MACROD2: variants seen among roughly 807,000 people sequenced by gnomAD.
The protein encoded by MACROD2 is mono-ADP ribosylhydrolase 2.
Under a neutral mutation model 70.4 loss-of-function variants are expected in MACROD2, and 36 were observed. That is an observed-to-expected ratio of 0.51 (90% confidence interval 0.39 to 0.68). MACROD2 has a LOEUF of 0.68. Among genes scored for constraint, MACROD2 ranks in the 30% least tolerant of loss-of-function variants. MACROD2 has a pLI of 0.00. For synonymous variants in MACROD2, 172 were observed against 178.8 expected (o/e 0.96, Z 0.30); for missense variants, 496 against 538.4 (o/e 0.92, Z 0.78).
At chr20:14,652,001 A>C (rs1040848619) in intron 4 of MACROD2, among the ~76,000 whole-genome samples, 12 of 152,164 alleles carry the variant, frequency 7.9e-5, no homozygotes, top group African/African-American at 2.9e-4. Flanking sequence ...GTTATATGCT[A>C]AACAGTTGTA....
chr20:15,901,310 CA>C (rs151164623), intron 10 of MACROD2, among the ~76,000 whole-genome samples: 6,148 of 152,156 alleles, frequency 0.04, 302 homozygotes, highest in East Asian at 0.13. Flanking sequence ...GAAGGTCCAC[CA>C]TTTACAATGG....
At chr20:14,183,631 C>T (rs1485847053) in intron 3 of MACROD2, among the ~76,000 whole-genome samples, 1 of 152,052 alleles carries the variant, frequency 6.6e-6, no homozygotes, top group African/African-American at 2.4e-5. Context: ...AATTAATACT[C>T]CCATCCTGGA....
chr20:15,783,061 T>C (rs1382751328), intron 8 of MACROD2, among the ~76,000 whole-genome samples: 1 of 152,188 alleles, frequency 6.6e-6, no homozygotes, highest in East Asian at 1.9e-4. Flanking sequence ...TTTTCTTTTT[T>C]AGTTGCTGAA....
intron 6 of MACROD2, among the ~76,000 whole-genome samples, chr20:15,240,771 G>A (rs2077054084): frequency 6.6e-6 from 1 of 152,104 alleles, no homozygotes; most frequent in Non-Finnish European, 1.5e-5. Context: ...TAAGGATGGG[G>A]CCCTGAAGAT....
intron 4 of MACROD2, among the ~76,000 whole-genome samples, chr20:14,671,751 C>T (rs2070797667): frequency 6.6e-6 from 1 of 152,148 alleles, no homozygotes; most frequent in African/African-American, 2.4e-5. Flanking sequence ...TTAAGTCAGC[C>T]CAAGGCAGGC....
At chr20:14,959,602 A>G (rs1053849122) in intron 5 of MACROD2, among the ~76,000 whole-genome samples, 1 of 152,190 alleles carries the variant, frequency 6.6e-6, no homozygotes, top group African/African-American at 2.4e-5. Context: ...CTTGAATTGC[A>G]ATGCCATAAA....
At chr20:15,226,808 A>G (rs962151249) in intron 5 of MACROD2, among the ~76,000 whole-genome samples, 1 of 152,058 alleles carries the variant, frequency 6.6e-6, no homozygotes, top group Non-Finnish European at 1.5e-5. Flanking sequence ...TAAGCAGGAG[A>G]TTTATTTTAT....
chr20:15,313,627 G>T (rs2077777715), intron 6 of MACROD2, among the ~76,000 whole-genome samples: 1 of 152,046 alleles, frequency 6.6e-6, no homozygotes, highest in South Asian at 2.1e-4. Context: ...ACCTTCTCTG[G>T]GGGTTTTCTT....
chr20:14,865,893 C>T (rs1406498697), intron 5 of MACROD2, among the ~76,000 whole-genome samples: 1 of 152,060 alleles, frequency 6.6e-6, no homozygotes, highest in African/African-American at 2.4e-5. Flanking sequence ...AGCAAGTTCT[C>T]AAAAAGATGT....
At chr20:15,063,391 G>A (rs181699460) in intron 5 of MACROD2, among the ~76,000 whole-genome samples, 208 of 152,302 alleles carry the variant, frequency 1.4e-3, no homozygotes, top group African/African-American at 4.7e-3. Flanking sequence ...GTCATAGAAT[G>A]AAAACAAATA....
At chr20:14,342,789 A>C (rs1206593244) in intron 3 of MACROD2, among the ~76,000 whole-genome samples, 1 of 152,146 alleles carries the variant, frequency 6.6e-6, no homozygotes, top group Admixed American at 6.6e-5. Flanking sequence ...CTATATTCCC[A>C]AAACATTCTG....
chr20:15,865,750 G>T (rs2064483917), intron 9 of MACROD2, among the ~76,000 whole-genome samples: 1 of 152,214 alleles, frequency 6.6e-6, no homozygotes, highest in South Asian at 2.1e-4. Flanking sequence ...GGTGAGGGAT[G>T]CCCACAGGAG....
At chr20:14,226,365 C>T (rs2081733387) in intron 3 of MACROD2, among the ~76,000 whole-genome samples, 2 of 152,250 alleles carry the variant, frequency 1.3e-5, no homozygotes, top group South Asian at 4.1e-4. Flanking sequence ...TCACAGCCTT[C>T]GCTCGCTCTC....
chr20:14,012,664 G>A (rs1443093606), intron 2 of MACROD2, among the ~76,000 whole-genome samples: 1 of 152,146 alleles, frequency 6.6e-6, no homozygotes, highest in African/African-American at 2.4e-5. Context: ...GGCACTTTGT[G>A]TGGGTCTGTG....
At chr20:16,017,372 A>G (rs556396613) in intron 15 of MACROD2, among the ~76,000 whole-genome samples, 18 of 152,338 alleles carry the variant, frequency 1.2e-4, no homozygotes, top group African/African-American at 4.3e-4. Flanking sequence ...CAGCAGGTAC[A>G]CAGTATATGA....
intron 8 of MACROD2, among the ~76,000 whole-genome samples, chr20:15,794,890 A>G (rs1288109166): frequency 6.6e-6 from 1 of 152,230 alleles, no homozygotes; most frequent in Non-Finnish European, 1.5e-5. Context: ...ACCGATAGAT[A>G]CACTATTAAA....
At chr20:14,122,543 G>C (rs919026166) in intron 3 of MACROD2, among the ~76,000 whole-genome samples, 1 of 152,054 alleles carries the variant, frequency 6.6e-6, no homozygotes, top group African/African-American at 2.4e-5. Flanking sequence ...TTTCATTGAG[G>C]GAGGTCAATA....
At chr20:14,058,547 G>A (rs1487425378) in intron 2 of MACROD2, among the ~76,000 whole-genome samples, 1 of 149,992 alleles carries the variant, frequency 6.7e-6, no homozygotes, top group Non-Finnish European at 1.5e-5. Context: ...TCCTTATGGA[G>A]TTTTTTCCTA....
intron 3 of MACROD2, among the ~76,000 whole-genome samples, chr20:14,249,117 T>C (rs1260990115): frequency 4.0e-5 from 6 of 148,916 alleles, no homozygotes. Flanking sequence ...TTCTTTTCTA[T>C]GATTTCAAAG....
Sources: gnomAD v4.1 joint callset for allele counts (sites outside exome capture counted in the v4.1 genomes callset) on GRCh38, gnomAD v4.1.1 for gene constraint, MANE v1.5 for transcripts, NCBI Gene and HGNC (gene_info 2026-07-23, HGNC 2026-07-21) for gene names.